The following RAB14 variants were observed in gnomAD, a reference collection of about 807,000 sequenced individuals.
The protein encoded by RAB14 is RAB14, member RAS oncogene family.
RAB14 carries 3 observed loss-of-function variants against 31.1 expected under a neutral mutation model. The ratio of observed to expected loss-of-function variants is 0.10; its 90% CI spans 0.04 to 0.25. RAB14 has a LOEUF of 0.25. RAB14 is among the 10% of genes least tolerant of loss of function. The pLI is 1.00. For missense variants in RAB14, 111 were observed against 260.1 expected (o/e 0.43, Z 3.94); for synonymous variants, 85 against 84.9 (o/e 1.00, Z 0.00).
intron 5 of RAB14, among the ~76,000 whole-genome samples, chr9:121,184,028 A>T (rs1373289734): frequency 6.6e-6 from 1 of 152,230 alleles, no homozygotes; most frequent in Non-Finnish European, 1.5e-5. Context: ...GGCTATCAGT[A>T]AGGAAACTGA....
chr9:121,199,076 T>C (rs566329299), intron 1 of RAB14, among the ~76,000 whole-genome samples: 3 of 152,194 alleles, frequency 2.0e-5, no homozygotes, highest in Admixed American at 2.0e-4. Flanking sequence ...TAAAGTATTC[T>C]AATACTGGAC....
At chr9:121,195,422 T>C (rs956827234) in intron 1 of RAB14, among the ~76,000 whole-genome samples, 9 of 152,282 alleles carry the variant, frequency 5.9e-5, no homozygotes, top group Admixed American at 4.6e-4. Flanking sequence ...GCTCCTTCTA[T>C]TTTATGTTAA....
chr9:121,186,815 T>C, intron 5 of RAB14, 138 bp downstream of exon 5: 1 of 483,862 alleles, frequency 2.1e-6, no homozygotes, highest in Non-Finnish European at 3.6e-6. Flanking sequence ...TTAGGTTTTC[T>C]TCAACTAATT....
chr9:121,195,809 C>A (rs571027447), intron 1 of RAB14, among the ~76,000 whole-genome samples: 1 of 152,120 alleles, frequency 6.6e-6, no homozygotes, highest in Non-Finnish European at 1.5e-5. Context: ...TAGCCACCAA[C>A]ACTCACAACA....
chr9:121,200,017 C>T (rs2053748870), intron 1 of RAB14, among the ~76,000 whole-genome samples: 1 of 152,214 alleles, frequency 6.6e-6, no homozygotes, highest in Admixed American at 6.5e-5. Context: ...TTTCTTTAAA[C>T]CCCATTTAAT....
chr9:121,196,243 T>C (rs1360366972), intron 1 of RAB14, among the ~76,000 whole-genome samples: 1 of 152,120 alleles, frequency 6.6e-6, no homozygotes, highest in East Asian at 1.9e-4. Flanking sequence ...CAATTAAAAT[T>C]CACTTTATTC....
Position 121,179,263 on chromosome 9 carries a change from T to C in RAB14, c.*2133A>G, listed in dbSNP as rs1318548071. ...ATTGTTCACCTGAAGAAAAACCCTATTATAGTTCAGAAAATAATGCAACCA... is the reference window on the plus strand; with the variant it reads ...ATTGTTCACCTGAAGAAAAACCCTACTATAGTTCAGAAAATAATGCAACCA... On this transcript the variant is annotated 3_prime_UTR_variant, in exon 8 of 8. Coordinates refer to ENST00000373840, the MANE Select transcript of RAB14 (RefSeq NM_016322.4). 1 of 152,624 alleles carries C rather than the reference T, an allele frequency of 6.6e-6. No individual in the cohort carries two copies. Among genetic ancestry groups the C allele is most frequent in the Non-Finnish European group, 1.5e-5 (1 of 68,036 alleles). The allele number at this position is 152,624 out of a possible 1,614,324, so 9.5% of individuals were successfully genotyped here. A position where few individuals can be genotyped will look rare whatever the true frequency, so the allele number is the denominator to read the frequency against.
At chr9:121,194,286 CT>C (rs978656826) in intron 1 of RAB14, among the ~76,000 whole-genome samples, 21 of 152,000 alleles carry the variant, frequency 1.4e-4, no homozygotes, top group African/African-American at 5.1e-4. Flanking sequence ...ATTCTAGGGA[CT>C]GAAAGAAATA....
chr9:121,189,969 T>G (rs1252406707), intron 4 of RAB14, among the ~76,000 whole-genome samples: 1 of 152,122 alleles, frequency 6.6e-6, no homozygotes, highest in Non-Finnish European at 1.5e-5. Flanking sequence ...TTTTATTACT[T>G]TACATCAAGT....
intron 1 of RAB14, among the ~76,000 whole-genome samples, chr9:121,194,014 T>C (rs1288801612): frequency 6.6e-6 from 1 of 151,998 alleles, no homozygotes; most frequent in Non-Finnish European, 1.5e-5. Flanking sequence ...ATGAAACTGT[T>C]CTTCCTATAG....
rs1272417355 is a variant in RAB14, at chr9:121,179,227, T to A, written c.*2169A>T. 2.0e-5 allele frequency: 3 copies of A among 152,464 alleles called. No individual in the cohort carries two copies. The highest frequency in any genetic ancestry group is 4.4e-5 in the Non-Finnish European group (3 of 68,032). 9.4% of individuals were successfully genotyped at this position (152,464 alleles called of 1,614,324 possible). On this transcript the variant is annotated 3_prime_UTR_variant, in exon 8 of 8. Coordinates refer to ENST00000373840, the MANE Select transcript of RAB14 (RefSeq NM_016322.4). ...TGGACAGTGCTGCAATAAAAACTGA[T>A]GACACGTCAAATTGTTCACCTGAAG...
At chr9:121,187,769 T>G (rs963923777) in intron 4 of RAB14, among the ~76,000 whole-genome samples, 1 of 151,978 alleles carries the variant, frequency 6.6e-6, no homozygotes, top group Non-Finnish European at 1.5e-5. Context: ...TCATACACAG[T>G]AGAATCTACC....
chr9:121,196,169 C>T (rs72760268), intron 1 of RAB14, among the ~76,000 whole-genome samples: 1,967 of 151,982 alleles, frequency 0.013, 17 homozygotes, highest in Admixed American at 0.026. Flanking sequence ...CTTAACATTA[C>T]AATCCCCATA....
chr9:121,198,287 CATT>C lies in RAB14; in HGVS notation c.-8+3349_-8+3351del, dbSNP rs548314238. Among the ~76,000 whole-genome samples, 13 of 152,240 alleles carry C rather than the reference CATT, an allele frequency of 8.5e-5. No homozygotes were observed. In the South Asian group the frequency reaches 2.5e-3, roughly 29 times the overall value. ...AATCTCCCACTCATAATATTCCCAA[CATT>C]ATTTCCGCATTTACTGATAATAAGA... On this transcript the variant is annotated intron_variant, in intron 1 of 7. Transcript: ENST00000373840.
At chr9:121,182,885 G>T in intron 7 of RAB14, 45 bp downstream of exon 7, 1 of 1,553,750 alleles carries the variant, frequency 6.4e-7, no homozygotes, top group Non-Finnish European at 8.8e-7. Flanking sequence ...TCTACTTTGA[G>T]AAACTTGAAT....
In RAB14 at chr9:121,190,583, C is replaced by T. The variant is rs61757823; in HGVS notation, c.255G>A (p.Ala85=). The stretch of plus-strand genomic sequence containing the variant: ...TGATATCATAGACCATAAGAGCTCC[C>T]GCAGCTCCTCTGTAGTAGCTCCGTG... ...AVTRSYYRGA[A]GALMVYDITR... The change falls in exon 4 of 8, where the codon GCG becomes GCA. Residue 85 remains alanine (A), a synonymous_variant. Coordinates refer to ENST00000373840, the MANE Select transcript of RAB14 (RefSeq NM_016322.4). The T allele has an allele frequency of 1.9e-3, 2,987 of 1,612,616 alleles. 6 individuals are homozygous for T. The highest frequency in any genetic ancestry group is 2.0e-3 in the Non-Finnish European group (2,393 of 1,179,232).
In RAB14 at chr9:121,181,483, C is replaced by G; in HGVS notation, c.561G>C (p.Glu187Asp). 6.2e-7 allele frequency: 1 copy of G among 1,613,730 alleles called. No homozygotes were observed. The highest frequency in any genetic ancestry group is 8.5e-7 in the Non-Finnish European group (1 of 1,179,712). ...CTGAAGGTTTGTGTTGTACACCAGACTCAGCAGCATTCAGATCCAAGCTTC... is the reference window on the plus strand; with the variant it reads ...CTGAAGGTTTGTGTTGTACACCAGAGTCAGCAGCATTCAGATCCAAGCTTC... Reference protein sequence around the residue: ...QDGSLDLNAAESGVQHKPSAP... With the variant: ...QDGSLDLNAADSGVQHKPSAP... Residue 187 changes from glutamate (E) to aspartate (D), a missense_variant, in exon 8 of 8, where the codon GAG becomes GAC. By Grantham distance (45) the Glu-to-Asp change is conservative. Coordinates refer to ENST00000373840, the MANE Select transcript of RAB14 (RefSeq NM_016322.4).
intron 7 of RAB14, among the ~76,000 whole-genome samples, chr9:121,182,536 T>C (rs1005520685): frequency 3.3e-5 from 5 of 152,240 alleles, no homozygotes; most frequent in Non-Finnish European, 7.3e-5. Context: ...ACTATTCCCT[T>C]AAATCATGCT....
rs752962083 is a variant in RAB14, at chr9:121,192,157, T to C, written c.106+14A>G. 2 of 1,542,252 alleles carry C rather than the reference T, an allele frequency of 1.3e-6. No individual in the cohort carries two copies. The highest frequency in any genetic ancestry group is 1.7e-5 in the Admixed American group (1 of 58,368). Reference sequence around the variant, plus strand: ...AAGAAAACTATTAATGTTTACCTCATGTATTGAACTTACATTTTTTTTCTG... The same window carrying C: ...AAGAAAACTATTAATGTTTACCTCACGTATTGAACTTACATTTTTTTTCTG... On this transcript the variant is annotated intron_variant, in intron 3 of 7. Transcript: ENST00000373840.
Sources: allele counts gnomAD v4.1 joint callset (sites outside exome capture counted in the v4.1 genomes callset), GRCh38; gene constraint gnomAD v4.1.1; transcripts MANE v1.5; gene names NCBI Gene and HGNC (gene_info 2026-07-23, HGNC 2026-07-21).